Variants in PALM2AKAP2 observed in about 807,000 individuals in gnomAD.
PALM2AKAP2 encodes the protein PALM2-AKAP2 fusion protein.
PALM2AKAP2 carries 37 observed loss-of-function variants against 71.5 expected under a neutral mutation model. That is an observed-to-expected ratio of 0.52 (90% CI 0.40 to 0.68). PALM2AKAP2 has a LOEUF of 0.68. PALM2AKAP2 is among the 30% of genes least tolerant of loss of function. The pLI is 0.00. For missense variants in PALM2AKAP2, 1,224 were observed against 1,191.8 expected (o/e 1.03, Z -0.40); for synonymous variants, 468 against 478.8 (o/e 0.98, Z 0.29).
chr9:109,883,242 G>A (rs768646935), intron 3 of PALM2AKAP2, among the ~76,000 whole-genome samples: 7 of 152,074 alleles, frequency 4.6e-5, no homozygotes, highest in Non-Finnish European at 1.0e-4. Context: ...CGTCCTTTAC[G>A]TCAATGGAAT....
rs545513329 is a variant in PALM2AKAP2, at chr9:109,960,056, C to T, written c.496+28028C>T. Among the ~76,000 whole-genome samples, 17 of 152,306 alleles carry T rather than the reference C, an allele frequency of 1.1e-4. 1 individual carries two copies. Among genetic ancestry groups the T allele is most frequent in the Admixed American group, 2.0e-4 (3 of 15,294 alleles). On this transcript the variant is annotated intron_variant, in intron 6 of 9. Transcript: ENST00000302798. ...ACTTCTTCTCCATCACCCCCCTCCG[C>T]GAAACCTTAGTTCCCACTGATTCCC...
intron 1 of PALM2AKAP2, among the ~76,000 whole-genome samples, chr9:110,070,561 A>G (rs1286363949): frequency 1.3e-5 from 2 of 152,236 alleles, no homozygotes; most frequent in African/African-American, 4.8e-5. Context: ...TGAGAAAAGT[A>G]TAAGTTGGTC....
intron 1 of PALM2AKAP2, among the ~76,000 whole-genome samples, chr9:109,667,824 T>A (rs1338862660): frequency 6.6e-6 from 1 of 151,298 alleles, no homozygotes; most frequent in African/African-American, 2.4e-5. Context: ...ATAAGGTAAA[T>A]ATAACCAGAA....
chr9:109,918,914 G>A (rs1000521582), intron 3 of PALM2AKAP2, among the ~76,000 whole-genome samples: 4 of 151,224 alleles, frequency 2.6e-5, no homozygotes, highest in African/African-American at 9.8e-5. Context: ...CTCTCTCTTC[G>A]TTCCTTCTCA....
At chr9:109,755,806 T>C (rs6477722) in intron 1 of PALM2AKAP2, among the ~76,000 whole-genome samples, 129,206 of 152,028 alleles carry the variant, frequency 0.85, 55,277 homozygotes, top group African/African-American at 0.95. Context: ...AGGAGAGCCT[T>C]GCTAGAATGT....
chr9:110,034,904 C>T (rs1833353929), intron 7 of PALM2AKAP2, among the ~76,000 whole-genome samples: 1 of 151,500 alleles, frequency 6.6e-6, no homozygotes, highest in South Asian at 2.1e-4. Flanking sequence ...CGCCCGGCTG[C>T]CATATATTCT....
intron 6 of PALM2AKAP2, among the ~76,000 whole-genome samples, chr9:109,967,099 G>A (rs1217973489): frequency 6.6e-6 from 1 of 152,194 alleles, no homozygotes; most frequent in East Asian, 1.9e-4. Flanking sequence ...GTGGTTAGAT[G>A]TAGCTGGGGC....
At position 110,049,663 on chromosome 9, in the gene PALM2AKAP2, G is replaced by A. The variant is rs569914390; in HGVS notation, c.156+808G>A. Among the ~76,000 whole-genome samples, 12 of 152,318 alleles carry A rather than the reference G, an allele frequency of 7.9e-5. No homozygotes were observed. In the East Asian group the frequency reaches 2.3e-3, roughly 29 times the overall value. On this transcript the variant is annotated intron_variant, in intron 1 of 3. Coordinates refer to ENST00000374525, the Ensembl canonical transcript of PALM2AKAP2. ...GACCGTGGGGGAGAGCACTGGGCAA[G>A]CCGTACCTGTAATGTCCGTGGAGGC...
At chr9:109,715,989 C>T (rs917608131) in intron 1 of PALM2AKAP2, among the ~76,000 whole-genome samples, 3 of 152,140 alleles carry the variant, frequency 2.0e-5, no homozygotes, top group African/African-American at 4.8e-5. Context: ...ACTGGTAGAA[C>T]ATTTAGCATC....
At chr9:110,170,584 A>G (rs1047484080) in exon 4 of PALM2AKAP2, 1 of 152,204 alleles carries the variant, frequency 6.6e-6, no homozygotes, top group Non-Finnish European at 1.5e-5. Context: ...GGCAATTGGC[A>G]CCATCTTTAT....
At chr9:109,662,397 A>C (rs189079375) in intron 1 of PALM2AKAP2, among the ~76,000 whole-genome samples, 13 of 152,178 alleles carry the variant, frequency 8.5e-5, no homozygotes, top group African/African-American at 2.9e-4. Context: ...ATTTTGTCAA[A>C]GGCCTTTTCT....
chr9:109,663,334 A>G (rs1827430322), intron 1 of PALM2AKAP2, among the ~76,000 whole-genome samples: 1 of 152,126 alleles, frequency 6.6e-6, no homozygotes, highest in African/African-American at 2.4e-5. Flanking sequence ...AGTGCTATAA[A>G]TTTCCCTCTA....
intron 1 of PALM2AKAP2, among the ~76,000 whole-genome samples, chr9:109,658,513 A>C (rs1827342422): frequency 1.3e-5 from 2 of 152,238 alleles, no homozygotes; most frequent in Non-Finnish European, 2.9e-5. Context: ...CATAATAAAA[A>C]ACTCTTAGCA....
At chr9:109,789,220 C>G (rs1827044572) in intron 1 of PALM2AKAP2, among the ~76,000 whole-genome samples, 1 of 152,052 alleles carries the variant, frequency 6.6e-6, no homozygotes, top group South Asian at 2.1e-4. Context: ...CATGACAGCC[C>G]CATTGAGAGA....
At chr9:109,648,264 A>G (rs1362440774) in intron 1 of PALM2AKAP2, among the ~76,000 whole-genome samples, 1 of 152,210 alleles carries the variant, frequency 6.6e-6, no homozygotes, top group East Asian at 1.9e-4. Flanking sequence ...CTCAGGTAGT[A>G]TCTTTATAAT....
chr9:110,117,281 G>A (rs1228939877), intron 1 of PALM2AKAP2, among the ~76,000 whole-genome samples: 5 of 151,946 alleles, frequency 3.3e-5, no homozygotes, highest in African/African-American at 7.3e-5. Context: ...CACCATGCCC[G>A]GTTCATTTTT....
intron 3 of PALM2AKAP2, among the ~76,000 whole-genome samples, chr9:109,919,300 G>A (rs1830768962): frequency 6.6e-6 from 1 of 152,176 alleles, no homozygotes; most frequent in Admixed American, 6.5e-5. Flanking sequence ...CCACAGCCTG[G>A]GAGATGCTGC....
At chr9:109,646,631 CAT>C (rs1232472410) in intron 1 of PALM2AKAP2, among the ~76,000 whole-genome samples, 1 of 152,232 alleles carries the variant, frequency 6.6e-6, no homozygotes, top group African/African-American at 2.4e-5. Flanking sequence ...AGGTTCTTAA[CAT>C]ATGCCTTCAT....
intron 1 of PALM2AKAP2, among the ~76,000 whole-genome samples, chr9:109,819,795 C>A (rs1465378117): frequency 6.6e-6 from 1 of 152,028 alleles, no homozygotes; most frequent in Non-Finnish European, 1.5e-5. Flanking sequence ...AGATCAGCCA[C>A]CCTGAGTTGA....
Sources: allele counts gnomAD v4.1 joint callset (sites outside exome capture counted in the v4.1 genomes callset), GRCh38; gene constraint gnomAD v4.1.1; transcripts MANE v1.5; gene names NCBI Gene and HGNC (gene_info 2026-07-23, HGNC 2026-07-21).